The following UNC13C variants were observed in gnomAD, a reference collection of about 807,000 sequenced individuals.
The protein encoded by UNC13C is unc-13 homolog C.
A neutral mutation model predicts 245.4 loss-of-function variants in UNC13C; 174 were observed. The observed-to-expected ratio is 0.71, with a 90% CI of 0.63 to 0.80. The LOEUF is 0.80. UNC13C is among the 30% of genes least tolerant of loss of function. UNC13C has a pLI of 0.00. For synonymous variants in UNC13C, 992 were observed against 895.1 expected (o/e 1.11, Z -1.93); for missense variants, 2,829 against 2,602.9 (o/e 1.09, Z -1.89).
rs143191773 is a variant in UNC13C at position 54,042,784 on chromosome 15, T to C, written c.2983+26898T>C. On this transcript the variant is annotated intron_variant, in intron 2 of 32. Coordinates refer to ENST00000260323, the MANE Select transcript of UNC13C (RefSeq NM_001080534.3). ...AGGAGAATGGCGTGAACCCGGGAGG[T>C]GGAACTTGCAGTGAGCCGAGATCGT... Among the ~76,000 whole-genome samples, 1,461 of 151,530 alleles carry C rather than the reference T, an allele frequency of 9.6e-3. 23 individuals are homozygous for C. The highest frequency in any genetic ancestry group is 0.034 in the African/African-American group (1,400 of 41,242).
intron 19 of UNC13C, among the ~76,000 whole-genome samples, chr15:54,438,577 C>A (rs930145260): frequency 6.6e-6 from 1 of 151,906 alleles, no homozygotes; most frequent in Non-Finnish European, 1.5e-5. Context: ...CAGAGCATAC[C>A]TTAATGTTTA....
chr15:54,312,527 G>T (rs1251297008), intron 13 of UNC13C, among the ~76,000 whole-genome samples: 2 of 151,822 alleles, frequency 1.3e-5, no homozygotes, highest in East Asian at 3.9e-4. Context: ...GAGCATAAAA[G>T]ATTCTACATA....
chr15:54,422,590 T>C (rs1197491847), intron 19 of UNC13C, among the ~76,000 whole-genome samples: 1 of 151,968 alleles, frequency 6.6e-6, no homozygotes, highest in Admixed American at 6.6e-5. Flanking sequence ...ACTGTCCTCA[T>C]GACTTCCTTA....
intron 4 of UNC13C, among the ~76,000 whole-genome samples, chr15:54,157,178 A>T (rs1030063673): frequency 7.9e-5 from 12 of 152,202 alleles, no homozygotes; most frequent in Non-Finnish European, 5.9e-5. Flanking sequence ...AGCCAATGGG[A>T]CTTGAGAAGG....
chr15:54,240,832 T>G (rs28641844), intron 7 of UNC13C, among the ~76,000 whole-genome samples: 32,813 of 152,018 alleles, frequency 0.22, 5,556 homozygotes, highest in African/African-American at 0.46. Context: ...CCATCTCTGT[T>G]TTAGTTTCAC....
chr15:54,171,327 G>C (rs972817212), intron 4 of UNC13C, among the ~76,000 whole-genome samples: 1 of 151,912 alleles, frequency 6.6e-6, no homozygotes, highest in African/African-American at 2.4e-5. Context: ...CCACAGAATG[G>C]GAGAAAATAT....
intron 17 of UNC13C, among the ~76,000 whole-genome samples, chr15:54,379,452 GT>G (rs2039674371): frequency 6.6e-6 from 1 of 151,998 alleles, no homozygotes; most frequent in African/African-American, 2.4e-5. Context: ...AGCAAGTCCT[GT>G]TTTTAATCTG....
intron 4 of UNC13C, among the ~76,000 whole-genome samples, chr15:54,187,275 T>G (rs1175710705): frequency 6.6e-6 from 1 of 152,148 alleles, no homozygotes; most frequent in Non-Finnish European, 1.5e-5. Flanking sequence ...CTGTCTTAAT[T>G]GGCATTTCTA....
the UNC13C span, among the ~76,000 whole-genome samples, chr15:53,951,694 T>G: frequency 1.3e-5 from 2 of 152,168 alleles, no homozygotes; most frequent in Admixed American, 1.3e-4. Flanking sequence ...ATCCATGTTT[T>G]TAACCACTAC....
chr15:54,454,024 T>G (rs1891331702), intron 19 of UNC13C, among the ~76,000 whole-genome samples: 1 of 152,170 alleles, frequency 6.6e-6, no homozygotes, highest in Non-Finnish European at 1.5e-5. Flanking sequence ...TAAAATATGT[T>G]GCCTTGTGTC....
At chr15:54,197,514 G>T (rs1466451226) in intron 4 of UNC13C, among the ~76,000 whole-genome samples, 1 of 151,996 alleles carries the variant, frequency 6.6e-6, no homozygotes, top group African/African-American at 2.4e-5. Context: ...CGCTGGATAG[G>T]TTTAATATAC....
intron 17 of UNC13C, among the ~76,000 whole-genome samples, chr15:54,360,645 G>T (rs1236050675): frequency 6.6e-6 from 1 of 152,052 alleles, no homozygotes; most frequent in Non-Finnish European, 1.5e-5. Context: ...CATTTTTCTT[G>T]TAAGATAGGG....
chr15:54,304,930 A>G (rs1020108833), intron 13 of UNC13C, among the ~76,000 whole-genome samples: 1 of 152,084 alleles, frequency 6.6e-6, no homozygotes, highest in Non-Finnish European at 1.5e-5. Context: ...TTGTTTTTAT[A>G]CAAAAATATA....
At chr15:54,388,590 C>T (rs900317169) in intron 17 of UNC13C, among the ~76,000 whole-genome samples, 2 of 152,184 alleles carry the variant, frequency 1.3e-5, no homozygotes, top group Admixed American at 6.5e-5. Context: ...TATTATCTTA[C>T]TCAGAGCAAG....
At chr15:54,057,501 CAAT>C (rs1050450524) in intron 2 of UNC13C, among the ~76,000 whole-genome samples, 7 of 151,720 alleles carry the variant, frequency 4.6e-5, no homozygotes, top group African/African-American at 1.7e-4. Flanking sequence ...GACTCCCACA[CAAT>C]AATAATGGGA....
chr15:53,998,894 T>A lies in UNC13C; in HGVS notation c.-256-13754T>A, dbSNP rs1025469527. ...CTATTTTTCTCCCTTTTTTAATGTGTTCAATTGCATGACTGATTTTCAAAA... is the reference window on the plus strand; with the variant it reads ...CTATTTTTCTCCCTTTTTTAATGTGATCAATTGCATGACTGATTTTCAAAA... On this transcript the variant is annotated intron_variant, in intron 1 of 32. Transcript: ENST00000260323. Among the ~76,000 whole-genome samples, 5 of 152,098 alleles carry A rather than the reference T, an allele frequency of 3.3e-5. No homozygotes were observed. In the East Asian group the frequency reaches 9.6e-4, roughly 29 times the overall value.
the UNC13C span, among the ~76,000 whole-genome samples, chr15:53,899,806 G>T: frequency 1.3e-5 from 2 of 152,072 alleles, no homozygotes; most frequent in Non-Finnish European, 2.9e-5. Context: ...CAGGTGATCT[G>T]CCTGCCTCGG....
intron 30 of UNC13C, among the ~76,000 whole-genome samples, chr15:54,592,126 T>C (rs765528104): frequency 5.3e-5 from 8 of 152,252 alleles, no homozygotes; most frequent in African/African-American, 1.4e-4. Flanking sequence ...TTTTGGAGTT[T>C]AGTTCCAGTT....
intron 1 of UNC13C, among the ~76,000 whole-genome samples, chr15:54,003,602 C>T (rs1426426370): frequency 6.6e-6 from 1 of 152,182 alleles, no homozygotes; most frequent in Non-Finnish European, 1.5e-5. Context: ...TTGATACAGA[C>T]ATGCAATGTG....
Sources: allele counts gnomAD v4.1 joint callset (sites outside exome capture counted in the v4.1 genomes callset), GRCh38; gene constraint gnomAD v4.1.1; transcripts MANE v1.5; gene names NCBI Gene and HGNC (gene_info 2026-07-23, HGNC 2026-07-21).